The following C4orf33 variants were observed in gnomAD, a reference collection of about 807,000 sequenced individuals.
The protein encoded by C4orf33 is chromosome 4 open reading frame 33.
In C4orf33, 20 loss-of-function variants were observed where a neutral mutation model predicts 24.3. The ratio of observed to expected loss-of-function variants is 0.82; its 90% confidence interval spans 0.58 to 1.19. C4orf33 has a LOEUF of 1.19. C4orf33 is among the 50% of genes most tolerant of loss of function. The probability of loss-of-function intolerance (pLI) is 0.00; values close to 1 mark genes in which losing one functional copy is unlikely to be tolerated. For synonymous variants in C4orf33, 67 were observed against 76.4 expected (o/e 0.88, Z 0.64); for missense variants, 207 against 225.9 (o/e 0.92, Z 0.54).
rs373624376 is a variant in C4orf33 at position 129,107,594 on chromosome 4, G to A, written c.242+947G>A. Among the ~76,000 whole-genome samples the A allele has an allele frequency of 4.0e-5, 6 of 151,884 alleles. No individual in the cohort carries two copies. In the South Asian group the frequency reaches 6.2e-4, roughly 16 times the overall value. ...AATGTAGAAAAGTCTAGCTGTTTGCGTTCTGTTTTTTAAGAAGAGTAATCA... is the reference window on the plus strand; with the variant it reads ...AATGTAGAAAAGTCTAGCTGTTTGCATTCTGTTTTTTAAGAAGAGTAATCA... On this transcript the variant is annotated intron_variant, in intron 3 of 5. Coordinates refer to ENST00000425929, the MANE Select transcript of C4orf33 (RefSeq NM_001099783.2).
In C4orf33 at chr4:129,114,922, T is replaced by C. The variant is rs1211971683; in HGVS notation, c.*3131T>C. The C allele has an allele frequency of 6.6e-6, 1 of 152,214 alleles. No homozygotes were observed. The highest frequency in any genetic ancestry group is 1.5e-5 in the Non-Finnish European group (1 of 68,078). 9.4% of individuals were successfully genotyped at this position (152,214 alleles called of 1,614,324 possible). On this transcript the variant is annotated 3_prime_UTR_variant, in exon 6 of 6. Transcript: ENST00000425929. ...TTCAATGTCAAGTGGTAATCTTAAA[T>C]GGGCAACTGTAGCAACCACAGCCTG...
At chr4:129,101,280 A>C (rs1753343750) in intron 1 of C4orf33, among the ~76,000 whole-genome samples, 1 of 152,194 alleles carries the variant, frequency 6.6e-6, no homozygotes, top group Non-Finnish European at 1.5e-5. Context: ...AGCTCGTAGG[A>C]GGTTTTCAAT....
Position 129,116,356 on chromosome 4 carries a change from T to G in C4orf33, c.*4565T>G, listed in dbSNP as rs1753776271. On this transcript the variant is annotated 3_prime_UTR_variant, in exon 6 of 6. Coordinates refer to ENST00000425929, the MANE Select transcript of C4orf33 (RefSeq NM_001099783.2). ...ACATCACTGGCTCCTGAGAGAGCTTTGGGTGTTCTGTAAATTTTTTACTTT... is the reference window on the plus strand; with the variant it reads ...ACATCACTGGCTCCTGAGAGAGCTTGGGGTGTTCTGTAAATTTTTTACTTT... 6.6e-6 allele frequency: 1 copy of G among 152,190 alleles called. No individual in the cohort carries two copies. 9.4% of individuals were successfully genotyped at this position (152,190 alleles called of 1,614,324 possible).
At chr4:129,096,843 A>G (rs1264212508) in intron 1 of C4orf33, among the ~76,000 whole-genome samples, 1 of 152,174 alleles carries the variant, frequency 6.6e-6, no homozygotes, top group Non-Finnish European at 1.5e-5. Flanking sequence ...TTCAGCATAT[A>G]TAATATAAAG....
rs1212171215 is a variant in C4orf33 at position 129,112,825 on chromosome 4, A to G, written c.*1034A>G. 6.6e-6 allele frequency: 1 copy of G among 152,162 alleles called. No individual in the cohort carries two copies. Among genetic ancestry groups the G allele is most frequent in the African/African-American group, 2.4e-5 (1 of 41,444 alleles). The allele number at this position is 152,162 out of a possible 1,614,324, so 9.4% of individuals were successfully genotyped here. A position where few individuals can be genotyped will look rare whatever the true frequency, so the allele number is the denominator to read the frequency against. On this transcript the variant is annotated 3_prime_UTR_variant, in exon 6 of 6. Coordinates refer to ENST00000425929, the MANE Select transcript of C4orf33 (RefSeq NM_001099783.2). ...ATAAATGCTAACTTTTACAAAAGGT[A>G]TTATTAAGTATCCTGACTACACATC...
chr4:129,109,764 G>A lies in C4orf33; in HGVS notation c.494+92G>A. Reference sequence around the variant, plus strand: ...AGCAGAAGTAACACTTTTGATCAAAGAAGACGACATATGTGCACAAGTATC... The same window carrying A: ...AGCAGAAGTAACACTTTTGATCAAAAAAGACGACATATGTGCACAAGTATC... On this transcript the variant is annotated intron_variant, in intron 5 of 5. Coordinates refer to ENST00000425929, the MANE Select transcript of C4orf33 (RefSeq NM_001099783.2). The A allele has an allele frequency of 6.3e-6, 7 of 1,106,850 alleles. No homozygotes were observed. The South Asian group carries it at 1.1e-4, about 17-fold the overall frequency. 68.6% of individuals were successfully genotyped at this position (1,106,850 alleles called of 1,614,324 possible).
chr4:129,108,779 T>C (rs1017344062), intron 3 of C4orf33, among the ~76,000 whole-genome samples: 1 of 152,228 alleles, frequency 6.6e-6, no homozygotes, highest in Non-Finnish European at 1.5e-5. Flanking sequence ...AATCTAAACA[T>C]GAAACTTTAT....
chr4:129,110,659 G>A (rs549069294), intron 5 of C4orf33, among the ~76,000 whole-genome samples: 4 of 152,142 alleles, frequency 2.6e-5, no homozygotes, highest in South Asian at 2.1e-4. Context: ...GTGCTGCATC[G>A]TCCTTCCTCT....
rs934431762 is a variant in C4orf33 at position 129,113,195 on chromosome 4, G to A, written c.*1404G>A. On this transcript the variant is annotated 3_prime_UTR_variant, in exon 6 of 6. Coordinates refer to ENST00000425929, the MANE Select transcript of C4orf33 (RefSeq NM_001099783.2). The stretch of plus-strand genomic sequence containing the variant: ...CACAACAATATAAAATACTGAATTT[G>A]AATGTTGTAGCTTGTGAGCTTTCTC... 1 of 152,102 alleles carries A rather than the reference G, an allele frequency of 6.6e-6. No individual in the cohort carries two copies. The highest frequency in any genetic ancestry group is 2.4e-5 in the African/African-American group (1 of 41,422). 9.4% of individuals were successfully genotyped at this position (152,102 alleles called of 1,614,324 possible). A position where few individuals can be genotyped will look rare whatever the true frequency, so the allele number is the denominator to read the frequency against.
intron 3 of C4orf33, among the ~76,000 whole-genome samples, chr4:129,108,724 A>C (rs337278): frequency 0.71 from 107,581 of 152,066 alleles, 40,500 homozygotes; most frequent in South Asian, 0.89. Context: ...CATCTAACCA[A>C]ATGAAGTATT....
At chr4:129,104,558 T>C (rs894473444) in intron 2 of C4orf33, among the ~76,000 whole-genome samples, 4 of 152,196 alleles carry the variant, frequency 2.6e-5, no homozygotes, top group Non-Finnish European at 5.9e-5. Context: ...AAGGTTTGCC[T>C]GGTAAGACTG....
At chr4:129,109,392 C>T (rs186526171) in intron 4 of C4orf33, 34 bp downstream of exon 4, 19 of 1,598,652 alleles carry the variant, frequency 1.2e-5, no homozygotes, top group Admixed American at 5.0e-5. Context: ...AAAATCATTA[C>T]GTACACAGTA....
intron 5 of C4orf33, 144 bp from the exon 6 acceptor site, chr4:129,111,542 A>G: frequency 2.0e-6 from 1 of 511,960 alleles, no homozygotes. Context: ...AGAAAACTGT[A>G]CATATAAAAT....
At chr4:129,104,016 A>T (rs1027943521) in intron 2 of C4orf33, among the ~76,000 whole-genome samples, 5 of 152,216 alleles carry the variant, frequency 3.3e-5, no homozygotes, top group Admixed American at 2.6e-4. Flanking sequence ...TACCTTCTAG[A>T]GGCACTACAG....
At chr4:129,101,875 C>A (rs1368883504) in intron 1 of C4orf33, among the ~76,000 whole-genome samples, 1 of 152,062 alleles carries the variant, frequency 6.6e-6, no homozygotes, top group Non-Finnish European at 1.5e-5. Flanking sequence ...ATTAACCAAG[C>A]AAGCAGTCAT....
rs1254678913 is a variant in C4orf33 at position 129,113,546 on chromosome 4, A to G, written c.*1755A>G. On this transcript the variant is annotated 3_prime_UTR_variant, in exon 6 of 6. Coordinates refer to ENST00000425929, the MANE Select transcript of C4orf33 (RefSeq NM_001099783.2). ...AATCATCCTTTTGTTTAAAATATGC[A>G]TAAATGCATTTCTTTGCTGTGATTT... The G allele has an allele frequency of 1.3e-5, 2 of 152,136 alleles. No individual in the cohort carries two copies. The highest frequency in any genetic ancestry group is 2.9e-5 in the Non-Finnish European group (2 of 68,034). The allele number at this position is 152,136 out of a possible 1,614,324, so 9.4% of individuals were successfully genotyped here.
At chr4:129,101,634 T>C (rs1025163782) in intron 1 of C4orf33, among the ~76,000 whole-genome samples, 3 of 152,178 alleles carry the variant, frequency 2.0e-5, no homozygotes, top group Non-Finnish European at 4.4e-5. Context: ...AGGACAGTAA[T>C]AGTTTCTCTG....
At chr4:129,109,185 G>T in intron 3 of C4orf33, 122 bp from the exon 4 acceptor site, 1 of 1,061,844 alleles carries the variant, frequency 9.4e-7, no homozygotes, top group Non-Finnish European at 1.4e-6. Flanking sequence ...ACCATGCTCA[G>T]CCTGCATCTT....
At chr4:129,096,451 G>T (rs1753210060) in intron 1 of C4orf33, among the ~76,000 whole-genome samples, 1 of 152,136 alleles carries the variant, frequency 6.6e-6, no homozygotes, top group African/African-American at 2.4e-5. Context: ...AAAAACTAAA[G>T]AAATTTTTGT....
Sources: allele counts gnomAD v4.1 joint callset (sites outside exome capture counted in the v4.1 genomes callset), GRCh38; gene constraint gnomAD v4.1.1; transcripts MANE v1.5; gene names NCBI Gene and HGNC (gene_info 2026-07-23, HGNC 2026-07-21).